SDK1: variants seen among roughly 807,000 people sequenced by gnomAD.
SDK1 encodes sidekick cell adhesion molecule 1.
Under a neutral mutation model 245.5 loss-of-function variants are expected in SDK1, and 157 were observed. The ratio of observed to expected loss-of-function variants is 0.64; its 90% CI spans 0.56 to 0.73. SDK1 has a LOEUF of 0.73. SDK1 is among the 30% of genes least tolerant of loss of function. The pLI is 0.00. For synonymous variants in SDK1, 1,647 were observed against 1,278.5 expected (o/e 1.29, Z -6.15); for missense variants, 3,583 against 3,002.3 (o/e 1.19, Z -4.52).
At chr7:3,713,058 G>T (rs7795719) in intron 4 of SDK1, among the ~76,000 whole-genome samples, 2 of 152,180 alleles carry the variant, frequency 1.3e-5, no homozygotes, top group African/African-American at 4.8e-5. Context: ...GGGCATGGCA[G>T]GGTGCCAGGA....
chr7:3,772,284 A>C (rs1264552958), intron 4 of SDK1, among the ~76,000 whole-genome samples: 1 of 149,828 alleles, frequency 6.7e-6, no homozygotes, highest in Non-Finnish European at 1.5e-5. Context: ...TTTTTCTTGT[A>C]GTTACTATGC....
chr7:4,102,681 CCCACCAGTTT>C (rs1271634702), intron 22 of SDK1, among the ~76,000 whole-genome samples: 4 of 152,186 alleles, frequency 2.6e-5, no homozygotes, highest in Non-Finnish European at 4.4e-5. Flanking sequence ...TCCTGCCCTG[CCCACCAGTTT>C]CCACCAGTTT....
At chr7:3,792,311 C>G (rs755212263) in intron 4 of SDK1, among the ~76,000 whole-genome samples, 7 of 152,138 alleles carry the variant, frequency 4.6e-5, no homozygotes, top group Non-Finnish European at 7.3e-5. Context: ...ACAGACTCAA[C>G]TGCATGTGCC....
chr7:3,990,341 C>T (rs1279468439), intron 14 of SDK1, among the ~76,000 whole-genome samples: 5 of 152,254 alleles, frequency 3.3e-5, no homozygotes, highest in Non-Finnish European at 5.9e-5. Context: ...GGGGCCTCTG[C>T]AACTCCCACT....
Position 3,783,773 on chromosome 7 carries a change from T to C in SDK1, c.714-37677T>C, listed in dbSNP as rs148756792. On this transcript the variant is annotated intron_variant, in intron 4 of 44. Transcript: ENST00000404826. ...AAGAATTAATATTGTTAAATGGCCA[T>C]ACTACCAAAACCAACCCTACCAATT... 6.6e-5 allele frequency among the ~76,000 whole-genome samples: 10 copies of C among 152,282 alleles called. No individual in the cohort carries two copies. In the East Asian group the frequency reaches 1.7e-3, roughly 26 times the overall value.
chr7:3,310,022 T>G (rs996487059), intron 1 of SDK1, among the ~76,000 whole-genome samples: 2 of 152,170 alleles, frequency 1.3e-5, no homozygotes, highest in Non-Finnish European at 2.9e-5. Context: ...TTTGGCAAGT[T>G]TAGTATTCAC....
intron 2 of SDK1, among the ~76,000 whole-genome samples, chr7:3,634,912 T>C (rs1782407073): frequency 6.6e-6 from 1 of 152,218 alleles, no homozygotes; most frequent in Non-Finnish European, 1.5e-5. Context: ...AAGACCTATT[T>C]AGGTATTGAA....
chr7:4,221,156 C>G (rs533532846), intron 39 of SDK1, 83 bp from the exon 40 acceptor site: 1 of 1,532,160 alleles, frequency 6.5e-7, no homozygotes, highest in African/African-American at 1.4e-5. Context: ...ACCGGTCTGA[C>G]CCCCCACTGT....
intron 4 of SDK1, among the ~76,000 whole-genome samples, chr7:3,646,735 A>G: frequency 6.6e-6 from 1 of 152,238 alleles, no homozygotes; most frequent in South Asian, 2.1e-4. Flanking sequence ...ACTTGAAAAG[A>G]CATGGATTAA....
rs577324072 is a variant in SDK1, at chr7:3,439,821, C to T, written c.298+137937C>T. Among the ~76,000 whole-genome samples the T allele has an allele frequency of 3.3e-5, 5 of 152,318 alleles. No individual in the cohort carries two copies. In the South Asian group the frequency reaches 8.3e-4, roughly 25 times the overall value. The stretch of plus-strand genomic sequence containing the variant: ...AGAATGGCCATGACAGCTTTAACTA[C>T]ACCCTTGAAGACCTCCTTGCTTACT... On this transcript the variant is annotated intron_variant, in intron 1 of 44. Transcript: ENST00000404826.
intron 5 of SDK1, among the ~76,000 whole-genome samples, chr7:3,923,797 C>T (rs1287706184): frequency 6.6e-6 from 1 of 152,208 alleles, no homozygotes; most frequent in Non-Finnish European, 1.5e-5. Flanking sequence ...CCTCAAGCTG[C>T]TCCTACCCGG....
At chr7:3,605,197 T>C (rs1781383055) in intron 1 of SDK1, among the ~76,000 whole-genome samples, 1 of 151,368 alleles carries the variant, frequency 6.6e-6, no homozygotes, top group South Asian at 2.1e-4. Context: ...AATGTAATTG[T>C]TTTCCACCTT....
chr7:3,752,237 G>T (rs1180902474), intron 4 of SDK1, among the ~76,000 whole-genome samples: 2 of 152,126 alleles, frequency 1.3e-5, no homozygotes, highest in African/African-American at 2.4e-5. Context: ...TCTATGTAAT[G>T]AATTTATTGG....
intron 4 of SDK1, among the ~76,000 whole-genome samples, chr7:3,755,162 A>G (rs1779883327): frequency 6.6e-6 from 1 of 152,190 alleles, no homozygotes; most frequent in Non-Finnish European, 1.5e-5. Context: ...GGAGGCTTCC[A>G]GCTCACTCTG....
intron 1 of SDK1, among the ~76,000 whole-genome samples, chr7:3,391,966 A>AATATATATATATATATATATATAT (rs55768106): frequency 9.7e-4 from 139 of 143,992 alleles, no homozygotes; most frequent in African/African-American, 3.4e-3. Context: ...TATATCATGT[A>AATATATATATATATATATATATAT]ATATATATAT....
At chr7:4,075,868 G>T (rs1780644971) in intron 20 of SDK1, among the ~76,000 whole-genome samples, 1 of 151,982 alleles carries the variant, frequency 6.6e-6, no homozygotes, top group African/African-American at 2.4e-5. Context: ...GGCCAGGCTG[G>T]TCTCCAACTC....
intron 4 of SDK1, among the ~76,000 whole-genome samples, chr7:3,751,427 G>C (rs1054447550): frequency 1.8e-4 from 21 of 118,272 alleles, no homozygotes; most frequent in African/African-American, 6.7e-4. Flanking sequence ...AGAACCAGAG[G>C]ACAAGATAGA....
chr7:3,750,408 A>C (rs1216718091), intron 4 of SDK1, among the ~76,000 whole-genome samples: 3 of 152,224 alleles, frequency 2.0e-5, no homozygotes, highest in African/African-American at 4.8e-5. Flanking sequence ...TCTATAAGTA[A>C]TGTTAGAGAA....
intron 25 of SDK1, among the ~76,000 whole-genome samples, chr7:4,126,974 C>T (rs1164523022): frequency 6.6e-6 from 1 of 152,134 alleles, no homozygotes; most frequent in Non-Finnish European, 1.5e-5. Context: ...TTGTGTAAAT[C>T]CTCACGCCCC....
Sources: allele counts gnomAD v4.1 joint callset (sites outside exome capture counted in the v4.1 genomes callset), GRCh38; gene constraint gnomAD v4.1.1; transcripts MANE v1.5; gene names NCBI Gene and HGNC (gene_info 2026-07-23, HGNC 2026-07-21).